Variants in F13B observed in about 807,000 individuals in gnomAD.
F13B encodes coagulation factor XIII B chain.
A neutral mutation model predicts 79.8 loss-of-function variants in F13B; 58 were observed. The ratio of observed to expected loss-of-function variants is 0.73; its 90% confidence interval spans 0.59 to 0.90. The LOEUF (loss-of-function observed/expected upper bound fraction) is 0.90, where lower values mean the gene tolerates loss of function less well. Among genes scored for constraint, F13B ranks in the 40% least tolerant of loss-of-function variants. The pLI is 0.00. For missense variants in F13B, 773 were observed against 777.0 expected (o/e 0.99, Z 0.06); for synonymous variants, 283 against 260.3 (o/e 1.09, Z -0.84).
rs1655497772 is a variant in F13B at position 197,052,849 on chromosome 1, G to A, written c.1355-15C>T. 1.3e-6 allele frequency: 2 copies of A among 1,590,008 alleles called. No homozygotes were observed. Among genetic ancestry groups the A allele is most frequent in the South Asian group, 1.1e-5 (1 of 89,698 alleles). On this transcript the variant is annotated splice_polypyrimidine_tract_variant and intron_variant, in intron 8 of 11. Coordinates refer to ENST00000367412, the MANE Select transcript of F13B (RefSeq NM_001994.3). Reference sequence around the variant, plus strand: ...AGTACATGGTTCTGTAAAACAAAATGCTCTTTTAAATTCTTTACTTGTCTG... The same window carrying A: ...AGTACATGGTTCTGTAAAACAAAATACTCTTTTAAATTCTTTACTTGTCTG...
intron 9 of F13B, among the ~76,000 whole-genome samples, chr1:197,052,349 T>C (rs1175131717): frequency 1.3e-5 from 2 of 152,084 alleles, no homozygotes; most frequent in African/African-American, 4.8e-5. Flanking sequence ...TCAACCATTG[T>C]GGAAGACAGT....
rs17514487 is a variant in F13B, at chr1:197,066,933, C to T, written c.64+227G>A. ...TGGTCTCCTATGCCCCCTAGAGATA[C>T]AAGGGTTTTTGTTTTGTTTTGCTTT... On this transcript the variant is annotated intron_variant, in intron 1 of 11. Transcript: ENST00000367412. Among the ~76,000 whole-genome samples, 4 of 152,066 alleles carry T rather than the reference C, an allele frequency of 2.6e-5. No individual in the cohort carries two copies. The East Asian group carries it at 7.7e-4, about 29-fold the overall frequency.
chr1:197,039,039 C>T lies in F13B; in HGVS notation c.*339G>A, dbSNP rs1010316451. On this transcript the variant is annotated 3_prime_UTR_variant, in exon 12 of 12. Transcript: ENST00000367412. ...GCCTTAATATTAATAAAGATGATGA[C>T]GAATGTGAATGTGAAATTTTTGCAC... Among the ~76,000 whole-genome samples the T allele has an allele frequency of 1.1e-4, 16 of 151,792 alleles. No individual in the cohort carries two copies. The highest frequency in any genetic ancestry group is 2.1e-4 in the Non-Finnish European group (14 of 67,932).
intron 11 of F13B, 39 bp downstream of exon 11, chr1:197,040,483 C>T (rs1195683977): frequency 7.0e-7 from 1 of 1,438,418 alleles, no homozygotes; most frequent in South Asian, 1.2e-5. Flanking sequence ...ACAATCTGAC[C>T]AAAAAAAATA....
chr1:197,060,366 C>T lies in F13B; in HGVS notation c.805G>A (p.Gly269Arg), dbSNP rs1655805604. The T allele has an allele frequency of 6.2e-7, 1 of 1,608,978 alleles. No homozygotes were observed. The highest frequency in any genetic ancestry group is 8.5e-7 in the Non-Finnish European group (1 of 1,176,142). ...GCGAGTATTAAATTTAAAAATTTACCTTCGCATACAGGAGATTCTGGGTAC... is the reference window on the plus strand; with the variant it reads ...GCGAGTATTAAATTTAAAAATTTACTTTCGCATACAGGAGATTCTGGGTAC... ...GWYPESPVCE[G>R]RRNRCPPPPL... The change falls in exon 5 of 12, where the codon GGA becomes AGA. Residue 269 changes from glycine to arginine, a missense_variant and splice_region_variant. Transcript: ENST00000367412.
intron 10 of F13B, among the ~76,000 whole-genome samples, chr1:197,041,464 A>G (rs373393296): frequency 1.8e-4 from 28 of 152,288 alleles, no homozygotes; most frequent in African/African-American, 6.3e-4. Flanking sequence ...ATTTCAGAAA[A>G]TGGGATTTCT....
At position 197,057,396 on chromosome 1, in the gene F13B, T is replaced by A; in HGVS notation, c.875A>T (p.Tyr292Phe). The A allele has an allele frequency of 1.2e-6, 2 of 1,613,970 alleles. No homozygotes were observed. The highest frequency in any genetic ancestry group is 1.1e-5 in the South Asian group (1 of 91,080). The change falls in exon 6 of 12, where the codon TAT becomes TTT. Residue 292 changes from tyrosine (Y) to phenylalanine (F), a missense_variant. By Grantham distance (22) the Tyr-to-Phe change is conservative. Coordinates refer to ENST00000367412, the MANE Select transcript of F13B (RefSeq NM_001994.3). ...NSKIQTHSTT[Y>F]RHGEIVHIEC... ...TATATGAACTATTTCTCCATGACGA[T>A]AAGTTGTTGAATGTGTTTGAATTTT...
In F13B at chr1:197,050,755, T is replaced by A; in HGVS notation, c.1680A>T (p.Glu560Asp). The A allele has an allele frequency of 1.2e-6, 2 of 1,613,326 alleles. No individual in the cohort carries two copies. Among genetic ancestry groups the A allele is most frequent in the Non-Finnish European group, 1.7e-6 (2 of 1,179,556 alleles). Residue 560 changes from glutamate to aspartate, a missense_variant, in exon 10 of 12, where the codon GAA (glutamate) becomes GAT (aspartate). Transcript: ENST00000367412. Reference protein sequence around the residue: ...EYRCFDHHFLEGSREAYCLDG... With the variant: ...EYRCFDHHFLDGSREAYCLDG... Reference sequence around the variant, plus strand: ...CTAAACAATAGGCCTCCCTAGATCCTTCTAGGAAATGGTGATCAAAACATC... The same window carrying A: ...CTAAACAATAGGCCTCCCTAGATCCATCTAGGAAATGGTGATCAAAACATC...
chr1:197,047,706 G>A (rs1558305141), intron 10 of F13B, among the ~76,000 whole-genome samples: 3 of 152,064 alleles, frequency 2.0e-5, no homozygotes, highest in Non-Finnish European at 4.4e-5. Context: ...GTTTTTTGCA[G>A]AACTATTCAC....
intron 8 of F13B, among the ~76,000 whole-genome samples, chr1:197,053,789 G>GGACTTTGCACAAAAGCTTGAAGGA (rs1655536354): frequency 6.6e-6 from 1 of 151,982 alleles, no homozygotes; most frequent in Non-Finnish European, 1.5e-5. Context: ...AGCTTGAAGG[G>GGACTTTGCACAAAAGCTTGAAGGA]GACTTTGCAC....
Position 197,038,784 on chromosome 1 carries a change from T to C in F13B, c.*594A>G, listed in dbSNP as rs1167565286. On this transcript the variant is annotated 3_prime_UTR_variant, in exon 12 of 12. Coordinates refer to ENST00000367412, the MANE Select transcript of F13B (RefSeq NM_001994.3). ...CTTTAATTGTGTCTCTTTAACAATATTTGAGCACATGTTCAAATATGGTAG... is the reference window on the plus strand; with the variant it reads ...CTTTAATTGTGTCTCTTTAACAATACTTGAGCACATGTTCAAATATGGTAG... 6.6e-6 allele frequency among the ~76,000 whole-genome samples: 1 copy of C among 152,032 alleles called. No homozygotes were observed. Among genetic ancestry groups the C allele is most frequent in the African/African-American group, 2.4e-5 (1 of 41,460 alleles).
At chr1:197,057,639 A>G (rs1655697307) in intron 5 of F13B, among the ~76,000 whole-genome samples, 174 bp from the exon 6 acceptor site, 1 of 152,130 alleles carries the variant, frequency 6.6e-6, no homozygotes, top group South Asian at 2.1e-4. Flanking sequence ...ACCCCTTTCC[A>G]TGAGTAGGAC....
chr1:197,056,236 A>G lies in F13B; in HGVS notation c.1172-339T>C, dbSNP rs1176003905. On this transcript the variant is annotated intron_variant, in intron 7 of 11. Transcript: ENST00000367412. ...TAAAATTGCTCTTTGGCATTACCCC[A>G]CTTTTATTTTCTTCTTTTTCATTCC... Among the ~76,000 whole-genome samples, 3 of 152,064 alleles carry G rather than the reference A, an allele frequency of 2.0e-5. No homozygotes were observed. The East Asian group carries it at 5.8e-4, about 29-fold the overall frequency.
intron 10 of F13B, among the ~76,000 whole-genome samples, chr1:197,041,324 T>C (rs1344329813): frequency 6.6e-6 from 1 of 152,186 alleles, no homozygotes; most frequent in East Asian, 1.9e-4. Context: ...CAAAGTATAG[T>C]TGTGTCCTTT....
At chr1:197,042,232 T>G (rs1227910234) in intron 10 of F13B, among the ~76,000 whole-genome samples, 2 of 152,116 alleles carry the variant, frequency 1.3e-5, no homozygotes, top group East Asian at 3.8e-4. Context: ...GTGATGAAAA[T>G]GAACAAGAAT....
At chr1:197,044,482 A>G (rs957461807) in intron 10 of F13B, among the ~76,000 whole-genome samples, 2 of 152,180 alleles carry the variant, frequency 1.3e-5, no homozygotes, top group African/African-American at 4.8e-5. Context: ...TATGCACCCA[A>G]TTCAGGAGCA....
intron 9 of F13B, among the ~76,000 whole-genome samples, chr1:197,052,226 C>A (rs1426400355): frequency 6.6e-6 from 1 of 151,854 alleles, no homozygotes; most frequent in Non-Finnish European, 1.5e-5. Flanking sequence ...AATGAGACAC[C>A]ATTTCACACC....
intron 7 of F13B, among the ~76,000 whole-genome samples, chr1:197,056,500 A>G (rs1165552650): frequency 1.3e-5 from 2 of 152,046 alleles, no homozygotes; most frequent in African/African-American, 4.8e-5. Flanking sequence ...GCCTTTCAGT[A>G]AAATGAAAGA....
chr1:197,040,827 C>T (rs1410876880), intron 10 of F13B, 92 bp from the exon 11 acceptor site: 1 of 980,904 alleles, frequency 1.0e-6, no homozygotes, highest in South Asian at 1.5e-5. Flanking sequence ...GTTGCCTACT[C>T]ATGAGGACCT....
Sources: gnomAD v4.1 joint callset for allele counts (sites outside exome capture counted in the v4.1 genomes callset) on GRCh38, gnomAD v4.1.1 for gene constraint, MANE v1.5 for transcripts, NCBI Gene and HGNC (gene_info 2026-07-23, HGNC 2026-07-21) for gene names.